Variants in AGBL4 observed in about 807,000 individuals in gnomAD.
AGBL4 encodes the protein cytosolic carboxypeptidase 6.
In AGBL4, 58 loss-of-function variants were observed where a neutral mutation model predicts 66.4. That is an observed-to-expected ratio of 0.87 (90% CI 0.71 to 1.09). The LOEUF (loss-of-function observed/expected upper bound fraction) is 1.09, where lower values mean the gene tolerates loss of function less well. Among genes scored for constraint, AGBL4 ranks in the 50% least tolerant of loss-of-function variants. The pLI, the probability that AGBL4 is intolerant of heterozygous loss-of-function variation, is 0.00. For missense variants in AGBL4, 579 were observed against 631.0 expected, an observed-to-expected ratio of 0.92 and a Z score of 0.88; for synonymous variants, 234 against 222.9, an observed-to-expected ratio of 1.05 and a Z score of -0.44.
chr1:49,071,290 T>C (rs953919177), intron 4 of AGBL4, among the ~76,000 whole-genome samples: 3 of 151,990 alleles, frequency 2.0e-5, no homozygotes, highest in African/African-American at 7.3e-5. Flanking sequence ...TGCTAGCTTT[T>C]GAATTTGTTT....
At chr1:48,790,327 A>G (rs1403358735) in intron 6 of AGBL4, among the ~76,000 whole-genome samples, 1 of 152,194 alleles carries the variant, frequency 6.6e-6, no homozygotes, top group Non-Finnish European at 1.5e-5. Flanking sequence ...CCAGAATGAA[A>G]AGACAGACAC....
chr1:48,651,690 C>G (rs1365522092), intron 8 of AGBL4, among the ~76,000 whole-genome samples: 1 of 152,184 alleles, frequency 6.6e-6, no homozygotes, highest in Non-Finnish European at 1.5e-5. Context: ...TGGGCTCTCT[C>G]TAACTCACAC....
intron 4 of AGBL4, among the ~76,000 whole-genome samples, chr1:49,178,280 G>A (rs1261071159): frequency 6.6e-6 from 1 of 152,176 alleles, no homozygotes; most frequent in African/African-American, 2.4e-5. Flanking sequence ...CTCTGTAAAA[G>A]AGCAGAGCAG....
chr1:49,144,377 G>C (rs887315321), intron 4 of AGBL4, among the ~76,000 whole-genome samples: 4 of 151,404 alleles, frequency 2.6e-5, no homozygotes, highest in African/African-American at 7.3e-5. Context: ...AGGATCAGGG[G>C]TTGCTCTTCT....
chr1:48,524,896 G>A, the AGBL4 span, among the ~76,000 whole-genome samples: 3 of 147,904 alleles, frequency 2.0e-5, no homozygotes, highest in Admixed American at 1.4e-4. Context: ...TTAGCCTAAA[G>A]TCTCACAACT....
chr1:48,608,774 C>G (rs1321847010), intron 9 of AGBL4, among the ~76,000 whole-genome samples: 2 of 152,000 alleles, frequency 1.3e-5, no homozygotes, highest in African/African-American at 4.8e-5. Context: ...CCCTCTTTCA[C>G]CAGATATAGC....
chr1:48,788,455 A>G (rs1225502421), intron 6 of AGBL4, among the ~76,000 whole-genome samples: 1 of 152,190 alleles, frequency 6.6e-6, no homozygotes, highest in Non-Finnish European at 1.5e-5. Context: ...GAAAGCTGGA[A>G]TCTTACTAAG....
chr1:49,025,006 A>G (rs752616970), intron 5 of AGBL4, among the ~76,000 whole-genome samples: 1 of 152,112 alleles, frequency 6.6e-6, no homozygotes, highest in Non-Finnish European at 1.5e-5. Context: ...GTAGGGTGCT[A>G]ATGTATGAGG....
In AGBL4 at chr1:49,990,964, G is replaced by A. The variant is rs539492175; in HGVS notation, c.34+32799C>T. Among the ~76,000 whole-genome samples, 45 of 152,094 alleles carry A rather than the reference G, an allele frequency of 3.0e-4. 1 individual carries two copies. Among genetic ancestry groups the A allele is most frequent in the African/African-American group, 8.2e-4 (34 of 41,504 alleles). On this transcript the variant is annotated intron_variant, in intron 1 of 13. Coordinates refer to ENST00000371839, the MANE Select transcript of AGBL4 (RefSeq NM_032785.4). ...ACATATCATATTAAAGATTATATGC[G>A]TAATCGTCATTAAAAAAACTCAAAC... is the stretch of plus-strand genomic sequence containing the variant.
intron 4 of AGBL4, among the ~76,000 whole-genome samples, chr1:49,128,660 C>T (rs1370839289): frequency 6.6e-6 from 1 of 151,774 alleles, no homozygotes; most frequent in Non-Finnish European, 1.5e-5. Flanking sequence ...AACTGGATAT[C>T]CAATGGAAAA....
chr1:48,582,080 G>T (rs377095979), intron 11 of AGBL4, among the ~76,000 whole-genome samples: 2 of 152,126 alleles, frequency 1.3e-5, no homozygotes, highest in Non-Finnish European at 2.9e-5. Context: ...TGGTTCACAG[G>T]GTTTTGTTGA....
chr1:48,528,824 A>T (rs892534816), downstream of AGBL4, among the ~76,000 whole-genome samples: 1 of 152,120 alleles, frequency 6.6e-6, no homozygotes, highest in African/African-American at 2.4e-5. Context: ...AAAGTAACAT[A>T]AAAAAAGTTT....
intron 8 of AGBL4, among the ~76,000 whole-genome samples, chr1:48,650,956 C>T (rs904071415): frequency 2.6e-5 from 4 of 152,206 alleles, no homozygotes; most frequent in African/African-American, 9.6e-5. Flanking sequence ...CTTGGCAAGT[C>T]TCACCAAACC....
At chr1:49,743,015 CAAAAGCA>C in intron 2 of AGBL4, among the ~76,000 whole-genome samples, 1 of 152,048 alleles carries the variant, frequency 6.6e-6, no homozygotes, top group Non-Finnish European at 1.5e-5. Context: ...TCTAAAACAC[CAAAAGCA>C]ATGACAACAA....
intron 6 of AGBL4, among the ~76,000 whole-genome samples, chr1:48,707,547 CAG>C: frequency 6.6e-6 from 1 of 152,286 alleles, no homozygotes; most frequent in East Asian, 1.9e-4. Flanking sequence ...TTGGGCATCC[CAG>C]TGCTCTGTCA....
intron 8 of AGBL4, among the ~76,000 whole-genome samples, chr1:48,635,634 A>C (rs1645656303): frequency 6.6e-6 from 1 of 152,214 alleles, no homozygotes; most frequent in African/African-American, 2.4e-5. Flanking sequence ...ACGTTTCCCC[A>C]GCTACAAGTA....
chr1:49,386,816 CTA>C (rs1408171911), intron 3 of AGBL4, among the ~76,000 whole-genome samples: 2 of 151,956 alleles, frequency 1.3e-5, no homozygotes, highest in East Asian at 3.9e-4. Flanking sequence ...CAAATTGGCT[CTA>C]TATTCTCTCT....
chr1:49,950,161 CACAT>C (rs1360936319), intron 1 of AGBL4, among the ~76,000 whole-genome samples: 2 of 143,026 alleles, frequency 1.4e-5, no homozygotes, highest in African/African-American at 2.6e-5. Flanking sequence ...TATATATACA[CACAT>C]ATATATATAC....
At chr1:49,480,144 A>AT (rs1257712081) in intron 3 of AGBL4, among the ~76,000 whole-genome samples, 1 of 151,948 alleles carries the variant, frequency 6.6e-6, no homozygotes, top group Non-Finnish European at 1.5e-5. Context: ...ATTCCTTTGG[A>AT]TATATACCCA....
Sources: gnomAD v4.1 joint callset for allele counts (sites outside exome capture counted in the v4.1 genomes callset) on GRCh38, gnomAD v4.1.1 for gene constraint, MANE v1.5 for transcripts, NCBI Gene and HGNC (gene_info 2026-07-23, HGNC 2026-07-21) for gene names.